Variants in R3HDM1 observed in about 807,000 individuals in gnomAD.
The protein encoded by R3HDM1 is R3H domain containing 1, also known as R3H domain-containing protein 1.
In R3HDM1, 46 loss-of-function variants were observed where a neutral mutation model predicts 141.1. The ratio of observed to expected loss-of-function variants is 0.33; its 90% CI spans 0.26 to 0.42. The LOEUF is 0.42. R3HDM1 is among the 10% of genes least tolerant of loss of function. R3HDM1 has a pLI of 1.00. For synonymous variants in R3HDM1, 435 were observed against 472.9 expected (o/e 0.92, Z 1.04); for missense variants, 1,184 against 1,368.3 (o/e 0.87, Z 2.12).
intron 21 of R3HDM1, among the ~76,000 whole-genome samples, chr2:135,693,087 G>A (rs1278945673): frequency 6.6e-6 from 1 of 152,000 alleles, no homozygotes; most frequent in Non-Finnish European, 1.5e-5. Flanking sequence ...TTCTATTTAG[G>A]TATTTATATA....
intron 1 of R3HDM1, among the ~76,000 whole-genome samples, chr2:135,562,470 G>C (rs114347279): frequency 0.011 from 1,698 of 152,058 alleles, 14 homozygotes; most frequent in Middle Eastern, 0.045. Context: ...TTTTTTTCTA[G>C]TTGCATTTCT....
At chr2:135,686,851 A>C (rs1213957664) in intron 21 of R3HDM1, among the ~76,000 whole-genome samples, 1 of 152,236 alleles carries the variant, frequency 6.6e-6, no homozygotes. Flanking sequence ...ATGTTGAGTA[A>C]AATAAGCCAG....
Position 135,645,404 on chromosome 2 carries a change from G to T in R3HDM1, c.1500G>T (p.Gly500=), listed in dbSNP as rs1301714273. 2 of 1,610,288 alleles carry T rather than the reference G, an allele frequency of 1.2e-6. No individual in the cohort carries two copies. Among genetic ancestry groups the T allele is most frequent in the Non-Finnish European group, 1.7e-6 (2 of 1,177,482 alleles). The change falls in exon 16 of 27, where the codon GGG becomes GGT. Residue 500 remains glycine, a synonymous_variant. Transcript: ENST00000683871. The stretch of plus-strand genomic sequence containing the variant: ...GTCAGCCCTTCATAAACCCAGATGG[G>T]AGTCCAGTTGTGTATAATCCTCCTA... ...QTGQPFINPD[G]SPVVYNPPMT... is the part of the protein sequence containing the mutation.
At chr2:135,603,462 A>T (rs1439711160) in intron 2 of R3HDM1, among the ~76,000 whole-genome samples, 7 of 152,212 alleles carry the variant, frequency 4.6e-5, no homozygotes, top group Non-Finnish European at 1.0e-4. Context: ...CATCCCTATA[A>T]CCACCCCTTG....
At chr2:135,662,889 CA>C (rs1243351028) in intron 19 of R3HDM1, among the ~76,000 whole-genome samples, 1 of 151,930 alleles carries the variant, frequency 6.6e-6, no homozygotes, top group African/African-American at 2.4e-5. Context: ...TAGCTGATGC[CA>C]TAATAAAGAA....
At position 135,676,220 on chromosome 2, in the gene R3HDM1, G is replaced by A. The variant is rs76226484; in HGVS notation, c.2307+734G>A. Among the ~76,000 whole-genome samples, 1,619 of 152,260 alleles carry A rather than the reference G, an allele frequency of 0.011. 100 individuals are homozygous for A. In the East Asian group the frequency reaches 0.19, roughly 18 times the overall value. Reference sequence around the variant, plus strand: ...GGGGCCTATAATTCCAGCTACTCGGGAAGCTGAGGCAGGAGAATTGCTTAA... The same window carrying A: ...GGGGCCTATAATTCCAGCTACTCGGAAAGCTGAGGCAGGAGAATTGCTTAA... On this transcript the variant is annotated intron_variant, in intron 20 of 26. Transcript: ENST00000683871.
intron 19 of R3HDM1, chr2:135,667,793 T>C: frequency 1.0e-6 from 1 of 957,588 alleles, no homozygotes; most frequent in Non-Finnish European, 1.2e-6. Context: ...AACTTGGCAG[T>C]CTTCAAACTA....
intron 1 of R3HDM1, among the ~76,000 whole-genome samples, chr2:135,537,405 C>A (rs969256080): frequency 2.7e-5 from 4 of 149,226 alleles, no homozygotes; most frequent in Non-Finnish European, 5.9e-5. Flanking sequence ...CCTTCCTCAG[C>A]CCCCCCAAGT....
At chr2:135,556,355 G>A (rs1348341278) in intron 1 of R3HDM1, among the ~76,000 whole-genome samples, 2 of 152,112 alleles carry the variant, frequency 1.3e-5, no homozygotes, top group East Asian at 1.9e-4. Context: ...ATACCATTCG[G>A]TAGTAATATG....
intron 9 of R3HDM1, among the ~76,000 whole-genome samples, chr2:135,634,182 T>C (rs1012100336): frequency 1.3e-5 from 2 of 152,238 alleles, no homozygotes; most frequent in Non-Finnish European, 2.9e-5. Flanking sequence ...TATATTTATG[T>C]ACAAATCTGT....
intron 16 of R3HDM1, among the ~76,000 whole-genome samples, chr2:135,649,508 T>C (rs12466487): frequency 0.15 from 23,551 of 152,182 alleles, 2,645 homozygotes; most frequent in East Asian, 0.44. Flanking sequence ...TTTAGTGTTA[T>C]ACTGCAAAAT....
chr2:135,612,516 A>G (rs191979162), intron 3 of R3HDM1, among the ~76,000 whole-genome samples: 9 of 152,276 alleles, frequency 5.9e-5, no homozygotes, highest in Admixed American at 5.9e-4. Flanking sequence ...AGTAGCTGGT[A>G]ACTCTGACAA....
intron 3 of R3HDM1, chr2:135,607,401 A>T (rs191321323): frequency 1.1e-6 from 1 of 921,752 alleles, no homozygotes; most frequent in Non-Finnish European, 1.3e-6. Flanking sequence ...TCCAGCTATA[A>T]AAAAAGCATT....
At chr2:135,693,205 G>C (rs183586722) in intron 21 of R3HDM1, among the ~76,000 whole-genome samples, 22 of 152,284 alleles carry the variant, frequency 1.4e-4, no homozygotes, top group African/African-American at 5.3e-4. Flanking sequence ...ACTTAATTGG[G>C]GTTCAAAGTT....
chr2:135,705,692 A>G (rs898569231), intron 21 of R3HDM1, among the ~76,000 whole-genome samples: 1 of 152,220 alleles, frequency 6.6e-6, no homozygotes, highest in Non-Finnish European at 1.5e-5. Context: ...TCTAACTTTA[A>G]AAATACATTA....
At position 135,559,050 on chromosome 2, in the gene R3HDM1, A is replaced by T. The variant is rs866524116; in HGVS notation, c.-250+27417A>T. On this transcript the variant is annotated intron_variant, in intron 1 of 26. Transcript: ENST00000683871. Reference sequence around the variant, plus strand: ...ATCAGTGGTATTTATGATTCCACAAAGTGTGTGTGTGTGTGTGTGTGTGTG... The same window carrying T: ...ATCAGTGGTATTTATGATTCCACAATGTGTGTGTGTGTGTGTGTGTGTGTG... The T allele has an allele frequency of 2.8e-5, 24 of 842,442 alleles. No individual in the cohort carries two copies. In the African/African-American group the frequency reaches 4.4e-4, roughly 16 times the overall value. 52.2% of individuals were successfully genotyped at this position (842,442 alleles called of 1,614,324 possible).
intron 1 of R3HDM1, among the ~76,000 whole-genome samples, chr2:135,558,279 A>G (rs1481975163): frequency 2.6e-5 from 4 of 152,218 alleles, no homozygotes; most frequent in African/African-American, 9.7e-5. Flanking sequence ...TAGTGTAACT[A>G]AAGAACTGAA....
chr2:135,550,401 A>AG (rs1331667381), intron 1 of R3HDM1, among the ~76,000 whole-genome samples: 6 of 152,248 alleles, frequency 3.9e-5, no homozygotes, highest in Non-Finnish European at 7.3e-5. Flanking sequence ...ATGGTAAAAT[A>AG]GGTGGCAGTT....
intron 21 of R3HDM1, among the ~76,000 whole-genome samples, chr2:135,699,721 G>A (rs898078980): frequency 6.6e-6 from 1 of 152,192 alleles, no homozygotes; most frequent in Non-Finnish European, 1.5e-5. Flanking sequence ...CAGGGGAAAT[G>A]TGACAAGTAT....
Sources: gnomAD v4.1 joint callset for allele counts (sites outside exome capture counted in the v4.1 genomes callset) on GRCh38, gnomAD v4.1.1 for gene constraint, MANE v1.5 for transcripts, NCBI Gene and HGNC (gene_info 2026-07-23, HGNC 2026-07-21) for gene names.